B3GALNT2: variants seen among roughly 807,000 people sequenced by gnomAD.
B3GALNT2 encodes beta-1,3-N-acetylgalactosaminyltransferase 2.
A neutral mutation model predicts 61.1 loss-of-function variants in B3GALNT2; 53 were observed. The ratio of observed to expected loss-of-function variants is 0.87; its 90% confidence interval spans 0.70 to 1.09. The LOEUF is 1.09. B3GALNT2 is among the 50% of genes least tolerant of loss of function. The probability of loss-of-function intolerance (pLI) is 0.00; values close to 1 mark genes in which losing one functional copy is unlikely to be tolerated. For missense variants in B3GALNT2, 544 were observed against 623.0 expected (o/e 0.87, Z 1.35); for synonymous variants, 223 against 237.4 (o/e 0.94, Z 0.56).
chr1:235,477,866 T>C (rs929286879), intron 5 of B3GALNT2, among the ~76,000 whole-genome samples: 1 of 152,196 alleles, frequency 6.6e-6, no homozygotes, highest in African/African-American at 2.4e-5. Flanking sequence ...ATGCGTGGCA[T>C]ATGGCAGCAT....
intron 5 of B3GALNT2, among the ~76,000 whole-genome samples, chr1:235,478,547 C>A (rs1003909263): frequency 1.3e-5 from 2 of 152,186 alleles, no homozygotes; most frequent in Non-Finnish European, 2.9e-5. Flanking sequence ...AATGTGTATA[C>A]CCTTCGACCC....
intron 5 of B3GALNT2, among the ~76,000 whole-genome samples, chr1:235,476,777 G>T (rs1199254232): frequency 6.6e-6 from 1 of 151,720 alleles, no homozygotes; most frequent in Non-Finnish European, 1.5e-5. Flanking sequence ...TTGAACGTGG[G>T]AGGCAGAGGT....
At chr1:235,481,136 A>C (rs1397401057) in intron 4 of B3GALNT2, among the ~76,000 whole-genome samples, 1 of 152,042 alleles carries the variant, frequency 6.6e-6, no homozygotes, top group Non-Finnish European at 1.5e-5. Context: ...TCTTTCATGA[A>C]CACCAGTTCT....
At chr1:235,454,077 G>C in intron 10 of B3GALNT2, 79 bp downstream of exon 10, 12 of 1,349,930 alleles carry the variant, frequency 8.9e-6, no homozygotes, top group Non-Finnish European at 1.2e-5. Flanking sequence ...GGGCTCAAGT[G>C]ATCTACCCGC....
intron 1 of B3GALNT2, among the ~76,000 whole-genome samples, chr1:235,502,849 A>G (rs540855099): frequency 6.6e-6 from 1 of 152,356 alleles, no homozygotes; most frequent in South Asian, 2.1e-4. Flanking sequence ...GTTACAAAGC[A>G]TTTTTTATAT....
At chr1:235,488,863 A>AGACAAGAC (rs1357466285) in intron 3 of B3GALNT2, among the ~76,000 whole-genome samples, 1 of 152,008 alleles carries the variant, frequency 6.6e-6, no homozygotes, top group Admixed American at 6.6e-5. Flanking sequence ...AGATCAGCCC[A>AGACAAGAC]GACAAGACAG....
intron 1 of B3GALNT2, among the ~76,000 whole-genome samples, chr1:235,498,934 T>C (rs549954538): frequency 6.6e-6 from 1 of 150,638 alleles, no homozygotes; most frequent in South Asian, 2.1e-4. Context: ...TGCAGGGCAA[T>C]TTGGCAATGT....
chr1:235,442,926 C>T (rs767545421), downstream of B3GALNT2: 2 of 1,613,744 alleles, frequency 1.2e-6, no homozygotes, highest in South Asian at 1.1e-5. Context: ...GAAGAACCAG[C>T]CTGTCTTTTC....
intron 5 of B3GALNT2, among the ~76,000 whole-genome samples, chr1:235,474,981 ATATATATTT>A (rs1277590078): frequency 3.3e-3 from 122 of 37,240 alleles, no homozygotes; most frequent in African/African-American, 8.9e-3. Flanking sequence ...ATATATATAT[ATATATATTT>A]TTTTTTTTTT....
At chr1:235,473,363 G>A (rs1364315995) in intron 5 of B3GALNT2, among the ~76,000 whole-genome samples, 1 of 152,222 alleles carries the variant, frequency 6.6e-6, no homozygotes, top group Non-Finnish European at 1.5e-5. Context: ...TAGTGATAGA[G>A]TTTGGAAGGA....
the B3GALNT2 span, among the ~76,000 whole-genome samples, chr1:235,440,339 G>T: frequency 1.3e-5 from 2 of 152,086 alleles, no homozygotes; most frequent in African/African-American, 2.4e-5. Context: ...GGCGCACCAT[G>T]CTCCACTGTA....
At position 235,447,774 on chromosome 1, in the gene B3GALNT2, AT is replaced by A. The variant is rs1469378511; in HGVS notation, c.*2431del. 6.6e-6 allele frequency among the ~76,000 whole-genome samples: 1 copy of A among 152,174 alleles called. No homozygotes were observed. Among genetic ancestry groups the A allele is most frequent in the East Asian group, 1.9e-4 (1 of 5,194 alleles). On this transcript the variant is annotated 3_prime_UTR_variant, in exon 12 of 12. Coordinates refer to ENST00000366600, the MANE Select transcript of B3GALNT2 (RefSeq NM_152490.5). Reference sequence around the variant, plus strand: ...CTGGTTTATTCAGATTAAGAAAGAAATACACTACTGAAATGGTATGAAACTC... The same window carrying A: ...CTGGTTTATTCAGATTAAGAAAGAAAACACTACTGAAATGGTATGAAACTC...
chr1:235,445,346 T>C (rs142901764), downstream of B3GALNT2, among the ~76,000 whole-genome samples: 543 of 152,250 alleles, frequency 3.6e-3, 6 homozygotes, highest in African/African-American at 0.013. Flanking sequence ...AGAAAAGTAA[T>C]AGCCAGGCAT....
chr1:235,493,284 T>C (rs1038377080), intron 2 of B3GALNT2, among the ~76,000 whole-genome samples: 4 of 152,138 alleles, frequency 2.6e-5, no homozygotes, highest in Non-Finnish European at 5.9e-5. Flanking sequence ...TCTGAGCAAC[T>C]GGTGGAGGAG....
In B3GALNT2 at chr1:235,450,055, G is replaced by T; in HGVS notation, c.*151C>A. On this transcript the variant is annotated 3_prime_UTR_variant, in exon 12 of 12. Coordinates refer to ENST00000366600, the MANE Select transcript of B3GALNT2 (RefSeq NM_152490.5). ...TTAAGGAAATTTGTGCAAACATTAA[G>T]AAACACCGCATTGGTTCTGGGTGAA... is the stretch of plus-strand genomic sequence containing the variant. 1 of 892,370 alleles carries T rather than the reference G, an allele frequency of 1.1e-6. No individual in the cohort carries two copies. The highest frequency in any genetic ancestry group is 2.0e-5 in the South Asian group (1 of 49,644). 55.3% of individuals were successfully genotyped at this position (892,370 alleles called of 1,614,324 possible).
chr1:235,490,251 G>A (rs1283284058), intron 2 of B3GALNT2, among the ~76,000 whole-genome samples: 1 of 151,616 alleles, frequency 6.6e-6, no homozygotes, highest in East Asian at 1.9e-4. Context: ...TTTTTTTTGA[G>A]ACAGAGTCTC....
rs373773440 is a variant in B3GALNT2, at chr1:235,450,276, G to A, written c.1433C>T (p.Pro478Leu). The A allele has an allele frequency of 8.1e-6, 13 of 1,613,734 alleles. No individual in the cohort carries two copies. Among genetic ancestry groups the A allele is most frequent in the Middle Eastern group, 3.3e-4 (2 of 6,082 alleles). ...TGMLSSPQYS[P>L]WELTELWKLK... is the part of the protein sequence containing the mutation. ...TTTCCACAGTTCCGTCAGTTCCCAC[G>A]GAGAATACTGAGGAGAAGACAGCAT... Residue 478 changes from proline to leucine, a missense_variant, in exon 12 of 12, where the codon CCG becomes CTG. Coordinates refer to ENST00000366600, the MANE Select transcript of B3GALNT2 (RefSeq NM_152490.5).
chr1:235,472,111 T>C (rs1684036384), intron 5 of B3GALNT2, among the ~76,000 whole-genome samples: 1 of 152,228 alleles, frequency 6.6e-6, no homozygotes, highest in South Asian at 2.1e-4. Flanking sequence ...TGTTCATCTA[T>C]GCAAGCTTTT....
At chr1:235,453,938 C>A (rs1381237269) in intron 10 of B3GALNT2, among the ~76,000 whole-genome samples, 1 of 152,058 alleles carries the variant, frequency 6.6e-6, no homozygotes, top group African/African-American at 2.4e-5. Context: ...TGATGGGATG[C>A]CGAGTGAGAT....
Sources: gnomAD v4.1 joint callset for allele counts (sites outside exome capture counted in the v4.1 genomes callset) on GRCh38, gnomAD v4.1.1 for gene constraint, MANE v1.5 for transcripts, NCBI Gene and HGNC (gene_info 2026-07-23, HGNC 2026-07-21) for gene names.